GALNTL6: variants seen among roughly 807,000 people sequenced by gnomAD.
GALNTL6 encodes the protein polypeptide N-acetylgalactosaminyltransferase-like 6.
GALNTL6 carries 46 observed loss-of-function variants against 73.7 expected under a neutral mutation model. The observed-to-expected ratio is 0.62, with a 90% CI of 0.49 to 0.80. GALNTL6 has a LOEUF of 0.80. GALNTL6 is among the 30% of genes least tolerant of loss of function. The probability of loss-of-function intolerance (pLI) is 0.00; values close to 1 mark genes in which losing one functional copy is unlikely to be tolerated. For synonymous variants in GALNTL6, 259 were observed against 263.7 expected (o/e 0.98, Z 0.17); for missense variants, 604 against 755.0 (o/e 0.80, Z 2.34).
chr4:172,502,841 G>A (rs1019537484), intron 5 of GALNTL6, among the ~76,000 whole-genome samples: 9 of 152,196 alleles, frequency 5.9e-5, no homozygotes, highest in African/African-American at 2.2e-4. Context: ...CACAGCAGGA[G>A]TTCTGTCACG....
intron 12 of GALNTL6, among the ~76,000 whole-genome samples, chr4:173,024,584 T>C (rs1753154342): frequency 6.6e-6 from 1 of 152,118 alleles, no homozygotes; most frequent in South Asian, 2.1e-4. Flanking sequence ...GTTTTAGATG[T>C]TTTTGTTTGT....
At chr4:171,970,901 T>C (rs1739551292) in intron 2 of GALNTL6, among the ~76,000 whole-genome samples, 1 of 152,236 alleles carries the variant, frequency 6.6e-6, no homozygotes, top group Non-Finnish European at 1.5e-5. Flanking sequence ...GAAGTCAATA[T>C]CTAATGCTTG....
intron 5 of GALNTL6, among the ~76,000 whole-genome samples, chr4:172,742,546 A>G (rs528233373): frequency 6.6e-6 from 1 of 152,124 alleles, no homozygotes; most frequent in African/African-American, 2.4e-5. Flanking sequence ...GAAAACTAAC[A>G]GAGCACAAAG....
chr4:171,917,110 G>A (rs1397195374), intron 2 of GALNTL6, among the ~76,000 whole-genome samples: 2 of 152,036 alleles, frequency 1.3e-5, no homozygotes, highest in African/African-American at 4.8e-5. Flanking sequence ...CCCAGGATGA[G>A]TCTGTCACTC....
At chr4:172,344,414 AG>A (rs1196257353) in intron 4 of GALNTL6, among the ~76,000 whole-genome samples, 2 of 152,206 alleles carry the variant, frequency 1.3e-5, no homozygotes, top group African/African-American at 4.8e-5. Context: ...AAATTCAATC[AG>A]ATTAAGTGCT....
chr4:171,901,440 A>G (rs763212848), intron 2 of GALNTL6, among the ~76,000 whole-genome samples: 4 of 152,182 alleles, frequency 2.6e-5, no homozygotes, highest in Non-Finnish European at 4.4e-5. Context: ...CAGAGAAGCC[A>G]TGAAACAGCA....
chr4:172,261,992 A>C (rs1019541993), intron 3 of GALNTL6, among the ~76,000 whole-genome samples: 1 of 151,292 alleles, frequency 6.6e-6, no homozygotes, highest in Non-Finnish European at 1.5e-5. Context: ...CTGAGAGAGT[A>C]CTTGATATAA....
intron 5 of GALNTL6, among the ~76,000 whole-genome samples, chr4:172,672,183 G>T (rs1158739826): frequency 6.6e-6 from 1 of 152,170 alleles, no homozygotes; most frequent in Non-Finnish European, 1.5e-5. Flanking sequence ...GAGCCAGCAT[G>T]CCTGACCAAT....
intron 5 of GALNTL6, among the ~76,000 whole-genome samples, chr4:172,531,742 G>A (rs758006389): frequency 9.9e-5 from 15 of 152,186 alleles, no homozygotes; most frequent in East Asian, 3.9e-4. Flanking sequence ...GCCATGGGGC[G>A]TGCACACTCT....
chr4:172,756,069 G>A lies in GALNTL6; in HGVS notation c.554-53292G>A, dbSNP rs137967716. ...CCTTATACTCATCAATAAAACCAAA[G>A]AGGTAGTAATCAATGATAGTGAGCA... is the stretch of plus-strand genomic sequence containing the variant. On this transcript the variant is annotated intron_variant, in intron 5 of 12. Coordinates refer to ENST00000506823, the MANE Select transcript of GALNTL6 (RefSeq NM_001034845.3). Among the ~76,000 whole-genome samples the A allele has an allele frequency of 3.9e-5, 6 of 152,278 alleles. No homozygotes were observed. In the East Asian group the frequency reaches 9.7e-4, roughly 25 times the overall value.
chr4:172,965,827 G>A (rs1046518853), intron 10 of GALNTL6, among the ~76,000 whole-genome samples: 3 of 151,748 alleles, frequency 2.0e-5, no homozygotes, highest in Admixed American at 6.6e-5. Context: ...ATAAACATAT[G>A]TATTTGTATT....
At chr4:172,376,434 C>T (rs1000764517) in intron 5 of GALNTL6, among the ~76,000 whole-genome samples, 5 of 152,178 alleles carry the variant, frequency 3.3e-5, no homozygotes, top group Admixed American at 1.3e-4. Flanking sequence ...GCTTTCCTCT[C>T]TGTCGACCCT....
intron 3 of GALNTL6, among the ~76,000 whole-genome samples, chr4:172,301,634 T>C (rs901007998): frequency 7.9e-5 from 12 of 152,150 alleles, no homozygotes; most frequent in Admixed American, 3.3e-4. Flanking sequence ...GGAGGTCCAC[T>C]CCAGACCCTG....
At chr4:172,229,067 A>G (rs1049213321) in intron 2 of GALNTL6, among the ~76,000 whole-genome samples, 2 of 152,182 alleles carry the variant, frequency 1.3e-5, no homozygotes, top group South Asian at 2.1e-4. Flanking sequence ...TGGCTCTGCC[A>G]CTGTGGTTTA....
intron 2 of GALNTL6, among the ~76,000 whole-genome samples, chr4:171,978,150 AT>A (rs2111075410): frequency 6.6e-6 from 1 of 152,322 alleles, no homozygotes; most frequent in Non-Finnish European, 1.5e-5. Flanking sequence ...GCAAAATTGC[AT>A]TAAAATATCA....
chr4:172,154,801 G>A (rs1253284832), intron 2 of GALNTL6, among the ~76,000 whole-genome samples: 1 of 152,116 alleles, frequency 6.6e-6, no homozygotes, highest in Non-Finnish European at 1.5e-5. Flanking sequence ...GGAATCTTGA[G>A]GAAGAAACAT....
At chr4:172,710,696 G>A (rs896827029) in intron 5 of GALNTL6, among the ~76,000 whole-genome samples, 2 of 151,864 alleles carry the variant, frequency 1.3e-5, no homozygotes, top group South Asian at 2.1e-4. Context: ...TCTTCAATTT[G>A]GAACATGGAA....
intron 5 of GALNTL6, among the ~76,000 whole-genome samples, chr4:172,742,888 C>T (rs1453056267): frequency 6.6e-6 from 1 of 151,962 alleles, no homozygotes; most frequent in South Asian, 2.1e-4. Context: ...AGAACCAGTA[C>T]GAGCTCGGGG....
chr4:172,617,727 C>T (rs867756267), intron 5 of GALNTL6, among the ~76,000 whole-genome samples: 6 of 152,020 alleles, frequency 3.9e-5, no homozygotes, highest in Non-Finnish European at 7.4e-5. Context: ...ATGATCTACC[C>T]GCCTCGGCCT....
Sources: gnomAD v4.1 joint callset for allele counts (sites outside exome capture counted in the v4.1 genomes callset) on GRCh38, gnomAD v4.1.1 for gene constraint, MANE v1.5 for transcripts, NCBI Gene and HGNC (gene_info 2026-07-23, HGNC 2026-07-21) for gene names.